ITGB3BP: variants seen among roughly 807,000 people sequenced by gnomAD.
ITGB3BP encodes the protein integrin subunit beta 3 binding protein.
In ITGB3BP, 27 loss-of-function variants were observed where a neutral mutation model predicts 29.1. The observed-to-expected ratio is 0.93, with a 90% CI of 0.68 to 1.28. ITGB3BP has a LOEUF of 1.28. Among genes scored for constraint, ITGB3BP ranks in the 50% most tolerant of loss-of-function variants. ITGB3BP has a pLI of 0.00. For synonymous variants in ITGB3BP, 61 were observed against 61.4 expected, an observed-to-expected ratio of 0.99 and a Z score of 0.03; for missense variants, 192 against 200.2, an observed-to-expected ratio of 0.96 and a Z score of 0.25.
chr1:63,513,069 A>G (rs1468714261), intron 1 of ITGB3BP, among the ~76,000 whole-genome samples: 1 of 152,214 alleles, frequency 6.6e-6, no homozygotes, highest in Non-Finnish European at 1.5e-5. Context: ...TTCTGAGAGC[A>G]TAACTTGAGG....
At chr1:63,471,625 G>C (rs995974399) in intron 4 of ITGB3BP, among the ~76,000 whole-genome samples, 1 of 152,114 alleles carries the variant, frequency 6.6e-6, no homozygotes, top group African/African-American at 2.4e-5. Flanking sequence ...TGCATGGTGT[G>C]AGGGTAAGGG....
intron 1 of ITGB3BP, among the ~76,000 whole-genome samples, chr1:63,511,098 C>A (rs533515967): frequency 3.3e-5 from 5 of 151,878 alleles, no homozygotes; most frequent in Non-Finnish European, 5.9e-5. Flanking sequence ...AAAGTGGGCA[C>A]ACAAAATTGG....
At chr1:63,515,643 T>C (rs1646299100) in intron 1 of ITGB3BP, among the ~76,000 whole-genome samples, 1 of 151,768 alleles carries the variant, frequency 6.6e-6, no homozygotes, top group Non-Finnish European at 1.5e-5. Flanking sequence ...CTGATCAATA[T>C]GGTGAAACCC....
rs1479043563 is a variant in ITGB3BP, at chr1:63,472,472, CCCTCTCTCCTCTCCA to C, written c.254+6277_254+6291del. On this transcript the variant is annotated intron_variant, in intron 4 of 8. Transcript: ENST00000271002. ...TCTCCCCTCTCCCCTCTCCCCTCTC[CCCTCTCTCCTCTCCA>C]CGGTCTCCTTCCATGGTCTCCCTCT... Among the ~76,000 whole-genome samples the C allele has an allele frequency of 8.9e-4, 132 of 148,490 alleles. 1 individual carries two copies. Among genetic ancestry groups the C allele is most frequent in the Non-Finnish European group, 1.4e-3 (93 of 66,670 alleles).
Position 63,483,234 on chromosome 1 carries a change from T to C in ITGB3BP, c.185-4401A>G, listed in dbSNP as rs191118419. Among the ~76,000 whole-genome samples, 67 of 152,340 alleles carry C rather than the reference T, an allele frequency of 4.4e-4. 1 individual carries two copies. The highest frequency in any genetic ancestry group is 6.5e-5 in the Admixed American group (1 of 15,306). ...CTTAGAAATATTAAACCTTGTCATA[T>C]TTAAAAGCTGAAAAGTATTTAAAAG... On this transcript the variant is annotated intron_variant, in intron 3 of 8. Coordinates refer to ENST00000271002, the MANE Select transcript of ITGB3BP (RefSeq NM_014288.5).
chr1:63,497,757 CCTGT>C (rs1645824970), intron 2 of ITGB3BP, among the ~76,000 whole-genome samples: 1 of 152,004 alleles, frequency 6.6e-6, no homozygotes, highest in South Asian at 2.1e-4. Flanking sequence ...TGAGTGTGTA[CCTGT>C]CTGTTCTTTT....
intron 4 of ITGB3BP, among the ~76,000 whole-genome samples, chr1:63,465,970 G>C (rs906807810): frequency 6.6e-6 from 1 of 152,096 alleles, no homozygotes; most frequent in African/African-American, 2.4e-5. Flanking sequence ...AGAGTGGACA[G>C]AGTGGGCTGA....
At chr1:63,510,052 T>C in intron 1 of ITGB3BP, 1 of 588,264 alleles carries the variant, frequency 1.7e-6, no homozygotes, top group East Asian at 3.1e-5. Flanking sequence ...TAGCCTAGCG[T>C]GGTGGTGCGT....
intron 3 of ITGB3BP, among the ~76,000 whole-genome samples, chr1:63,481,252 A>G (rs1440218708): frequency 2.0e-5 from 3 of 152,122 alleles, no homozygotes; most frequent in African/African-American, 7.2e-5. Flanking sequence ...ATGTGGATCA[A>G]TAGTATTAAC....
At chr1:63,455,019 G>A (rs770496758) in intron 4 of ITGB3BP, 51 bp from the exon 5 acceptor site, 4 of 888,390 alleles carry the variant, frequency 4.5e-6, no homozygotes. Flanking sequence ...ATTTAAACAT[G>A]GCAAATCATT....
At chr1:63,514,970 A>C (rs1420847599) in intron 1 of ITGB3BP, among the ~76,000 whole-genome samples, 1 of 151,662 alleles carries the variant, frequency 6.6e-6, no homozygotes, top group Admixed American at 6.6e-5. Context: ...AAAAAGAAAA[A>C]CAGAAAATTT....
chr1:63,463,327 A>C (rs1230781238), intron 4 of ITGB3BP, among the ~76,000 whole-genome samples: 3 of 151,712 alleles, frequency 2.0e-5, no homozygotes, highest in Non-Finnish European at 4.4e-5. Context: ...TAACATAACT[A>C]CAGTGGTAGA....
intron 4 of ITGB3BP, among the ~76,000 whole-genome samples, chr1:63,461,563 A>G (rs1645019320): frequency 6.6e-6 from 1 of 152,138 alleles, no homozygotes; most frequent in South Asian, 2.1e-4. Context: ...AAGATTTATC[A>G]TTATGTTTTC....
At chr1:63,479,565 T>G (rs1645402367) in intron 3 of ITGB3BP, among the ~76,000 whole-genome samples, 2 of 152,138 alleles carry the variant, frequency 1.3e-5, no homozygotes. Flanking sequence ...AGCTGAAATT[T>G]TTTATCATTT....
At chr1:63,464,272 A>C (rs1421317931) in intron 4 of ITGB3BP, among the ~76,000 whole-genome samples, 1 of 152,224 alleles carries the variant, frequency 6.6e-6, no homozygotes, top group Non-Finnish European at 1.5e-5. Flanking sequence ...ATTTGACTAT[A>C]TATCTTTAGA....
intron 1 of ITGB3BP, among the ~76,000 whole-genome samples, chr1:63,512,305 A>C (rs781524516): frequency 2.0e-5 from 3 of 152,088 alleles, no homozygotes; most frequent in Non-Finnish European, 4.4e-5. Context: ...TAGTATCCTG[A>C]ATAGGATTCT....
At chr1:63,492,708 G>T (rs565193156) in intron 2 of ITGB3BP, among the ~76,000 whole-genome samples, 2 of 151,790 alleles carry the variant, frequency 1.3e-5, no homozygotes, top group Non-Finnish European at 2.9e-5. Context: ...AGAAAAACAG[G>T]AAGAAAGAGT....
chr1:63,501,690 A>G (rs111578373), intron 2 of ITGB3BP, among the ~76,000 whole-genome samples: 2 of 147,888 alleles, frequency 1.4e-5, no homozygotes, highest in African/African-American at 5.0e-5. Context: ...TGGCAAAACT[A>G]AAAAAAAAAT....
intron 1 of ITGB3BP, chr1:63,522,827 C>T (rs986087901): frequency 1.9e-6 from 1 of 519,524 alleles, no homozygotes; most frequent in Admixed American, 2.4e-5. Flanking sequence ...TACTCTGTCC[C>T]ATCCTGTGTG....
Sources: allele counts gnomAD v4.1 joint callset (sites outside exome capture counted in the v4.1 genomes callset), GRCh38; gene constraint gnomAD v4.1.1; transcripts MANE v1.5; gene names NCBI Gene and HGNC (gene_info 2026-07-23, HGNC 2026-07-21).